ZC3H7B: variants seen among roughly 807,000 people sequenced by gnomAD.
ZC3H7B encodes zinc finger CCCH domain-containing protein 7B.
Under a neutral mutation model 116.0 loss-of-function variants are expected in ZC3H7B, and 35 were observed. The ratio of observed to expected loss-of-function variants is 0.30; its 90% CI spans 0.23 to 0.40. The LOEUF is 0.40. Among genes scored for constraint, ZC3H7B ranks in the 10% least tolerant of loss-of-function variants. The pLI, the probability that ZC3H7B is intolerant of heterozygous loss-of-function variation, is 1.00. For synonymous variants in ZC3H7B, 502 were observed against 545.6 expected (o/e 0.92, Z 1.11); for missense variants, 1,011 against 1,321.5 (o/e 0.77, Z 3.64).
chr22:41,339,049 C>T lies in ZC3H7B; in HGVS notation c.674C>T (p.Pro225Leu). 2 of 1,608,542 alleles carry T rather than the reference C, an allele frequency of 1.2e-6. No homozygotes were observed. Among genetic ancestry groups the T allele is most frequent in the South Asian group, 1.1e-5 (1 of 90,146 alleles). Residue 225 changes from proline to leucine, a missense_variant, in exon 9 of 23, where the codon CCC becomes CTC. Coordinates refer to ENST00000352645, the MANE Select transcript of ZC3H7B (RefSeq NM_017590.6). Reference protein sequence around the residue: ...RGSPALLPSTPTMPLFPHVLD... With the variant: ...RGSPALLPSTLTMPLFPHVLD... ...TCCCCAGCCCTTCTCCCCTCCACGC[C>T]CACGATGCCCCTGTTCCCTCACGTT...
At chr22:41,317,688 G>T (rs890394720) in intron 1 of ZC3H7B, among the ~76,000 whole-genome samples, 26 of 152,130 alleles carry the variant, frequency 1.7e-4, no homozygotes, top group Admixed American at 1.5e-3. Flanking sequence ...GGAGGCTGAG[G>T]GGGGAAGATC....
intron 2 of ZC3H7B, among the ~76,000 whole-genome samples, chr22:41,321,269 G>A (rs545141344): frequency 6.7e-6 from 1 of 149,462 alleles, no homozygotes; most frequent in East Asian, 2.0e-4. Context: ...AGGCTGGAGT[G>A]CAGTGACATG....
intron 4 of ZC3H7B, among the ~76,000 whole-genome samples, chr22:41,326,608 T>G (rs2036322712): frequency 6.6e-6 from 1 of 152,182 alleles, no homozygotes; most frequent in Non-Finnish European, 1.5e-5. Flanking sequence ...CGGACTTCAG[T>G]GCCTTCCTCC....
intron 17 of ZC3H7B, among the ~76,000 whole-genome samples, chr22:41,352,898 C>G (rs187826601): frequency 6.7e-6 from 1 of 149,296 alleles, no homozygotes; most frequent in African/African-American, 2.5e-5. Context: ...GCAAACATGA[C>G]GAAACCCCGT....
intron 1 of ZC3H7B, among the ~76,000 whole-genome samples, chr22:41,311,244 C>T (rs997002018): frequency 1.3e-5 from 2 of 151,436 alleles, no homozygotes; most frequent in Non-Finnish European, 2.9e-5. Flanking sequence ...TGTTGAGGGT[C>T]CGAGAGGTGG....
In ZC3H7B at chr22:41,343,512, C is replaced by G; in HGVS notation, c.1395C>G (p.Thr465=). 6.2e-7 allele frequency: 1 copy of G among 1,613,636 alleles called. No homozygotes were observed. Among genetic ancestry groups the G allele is most frequent in the Non-Finnish European group, 8.5e-7 (1 of 1,179,872 alleles). The change falls in exon 13 of 23, where the codon ACC becomes ACG. Residue 465 remains threonine (T), a synonymous_variant. Coordinates refer to ENST00000352645, the MANE Select transcript of ZC3H7B (RefSeq NM_017590.6). ...LGRLRSSEDQ[T]WKRIRPRPTK... ...GGCTCCGGAGCTCGGAGGACCAGAC[C>G]TGGAAGCGGATCCGGCCCCGGCCCA...
intron 15 of ZC3H7B, 148 bp from the exon 16 acceptor site, chr22:41,348,972 C>T (rs1198535303): frequency 1.2e-6 from 1 of 854,624 alleles, no homozygotes; most frequent in Non-Finnish European, 1.8e-6. Flanking sequence ...CCTGTTTCTG[C>T]CCTCCTGTGT....
At chr22:41,341,926 G>C (rs748600640) in intron 11 of ZC3H7B, among the ~76,000 whole-genome samples, 3 of 152,088 alleles carry the variant, frequency 2.0e-5, no homozygotes, top group Non-Finnish European at 4.4e-5. Context: ...GCTGGGTGTA[G>C]TGGCGGACAC....
rs1215365653 is a variant in ZC3H7B at position 41,338,168 on chromosome 22, G to T, written c.583-145G>T. The T allele has an allele frequency of 1.8e-5, 14 of 797,792 alleles. No homozygotes were observed. The highest frequency in any genetic ancestry group is 2.6e-5 in the Non-Finnish European group (13 of 509,286). The allele number at this position is 797,792 out of a possible 1,614,324, so 49.4% of individuals were successfully genotyped here. On this transcript the variant is annotated intron_variant, in intron 7 of 22. Transcript: ENST00000352645. This position sits in a 1 kb window ranked among gnomAD's most constrained non-coding sequence, Gnocchi z 4.5. ...TAGGCATAAGCCACCACGCCTGGCC[G>T]CATGTGAGGGCTTTAATCTCCCCTG...
intron 22 of ZC3H7B, 87 bp downstream of exon 22, chr22:41,356,895 G>C: frequency 1.9e-6 from 3 of 1,577,864 alleles, no homozygotes; most frequent in Non-Finnish European, 2.6e-6. Context: ...TCTTGGCCTG[G>C]AGGTGGTGTG....
At chr22:41,319,150 C>T (rs962581755) in intron 1 of ZC3H7B, among the ~76,000 whole-genome samples, 5 of 152,092 alleles carry the variant, frequency 3.3e-5, no homozygotes, top group African/African-American at 9.7e-5. Flanking sequence ...GCCTGTAATC[C>T]CAGCACTTTG....
rs1350049674 is a variant in ZC3H7B, at chr22:41,346,773, G to A, written c.1665+565G>A. Among the ~76,000 whole-genome samples the A allele has an allele frequency of 2.0e-5, 3 of 152,040 alleles. No individual in the cohort carries two copies. Among genetic ancestry groups the A allele is most frequent in the East Asian group, 1.9e-4 (1 of 5,184 alleles). ...AAAGGTTGCAGTGAGCCGAGATCGC[G>A]CAACTGCACTAGAGACTCCATCTCA... On this transcript the variant is annotated intron_variant, in intron 14 of 22. Coordinates refer to ENST00000352645, the MANE Select transcript of ZC3H7B (RefSeq NM_017590.6). The surrounding 1 kb of genome is among the most constrained non-coding windows in gnomAD (Gnocchi z 5.3).
intron 1 of ZC3H7B, among the ~76,000 whole-genome samples, chr22:41,309,008 C>CTTTTTTTTTT (rs57147100): frequency 0.012 from 1,245 of 103,210 alleles, 95 homozygotes; most frequent in Non-Finnish European, 0.015. Flanking sequence ...TCCCAGTCTG[C>CTTTTTTTTTT]TTTTTTTTTT....
intron 16 of ZC3H7B, among the ~76,000 whole-genome samples, chr22:41,350,023 C>T (rs1448322652): frequency 2.6e-5 from 4 of 152,094 alleles, no homozygotes; most frequent in African/African-American, 9.7e-5. Flanking sequence ...GCATTTCAGG[C>T]GTGCCTCAGT....
chr22:41,346,241 G>T lies in ZC3H7B; in HGVS notation c.1665+33G>T. The T allele has an allele frequency of 6.2e-7, 1 of 1,600,690 alleles. No individual in the cohort carries two copies. The highest frequency in any genetic ancestry group is 8.5e-7 in the Non-Finnish European group (1 of 1,177,588). ...CCACCCACCCACTGCCACCCCATAG[G>T]CCATGGCACAGACAGGGCTGGGGAT... On this transcript the variant is annotated intron_variant, in intron 14 of 22. Transcript: ENST00000352645. The surrounding 1 kb of genome is among the most constrained non-coding windows in gnomAD (Gnocchi z 5.3).
At chr22:41,312,233 G>A (rs1429590790) in intron 1 of ZC3H7B, among the ~76,000 whole-genome samples, 1 of 151,910 alleles carries the variant, frequency 6.6e-6, no homozygotes, top group Non-Finnish European at 1.5e-5. Flanking sequence ...TTGGGAGGCT[G>A]AGGCGGGCAG....
intron 17 of ZC3H7B, among the ~76,000 whole-genome samples, chr22:41,352,111 C>T (rs1003085213): frequency 1.3e-5 from 2 of 152,242 alleles, no homozygotes; most frequent in Non-Finnish European, 2.9e-5. Context: ...GCAGCGATTA[C>T]AGGCATGAGC....
At chr22:41,335,412 T>A (rs1355841497) in intron 7 of ZC3H7B, 2 of 152,190 alleles carry the variant, frequency 1.3e-5, no homozygotes, top group African/African-American at 2.4e-5. Context: ...AGGAGTGCCA[T>A]GCAGAAGGGC....
chr22:41,304,392 G>A (rs1373346768), intron 1 of ZC3H7B, among the ~76,000 whole-genome samples: 1 of 151,904 alleles, frequency 6.6e-6, no homozygotes, highest in Non-Finnish European at 1.5e-5. Context: ...TACCCACCTC[G>A]GCCTCCCAAA....
Sources: allele counts gnomAD v4.1 joint callset (sites outside exome capture counted in the v4.1 genomes callset), GRCh38; gene constraint gnomAD v4.1.1; non-coding constraint Gnocchi (gnomAD v3.1); transcripts MANE v1.5; gene names NCBI Gene and HGNC (gene_info 2026-07-23, HGNC 2026-07-21).